RSPO3: variants seen among roughly 807,000 people sequenced by gnomAD.
RSPO3 encodes the protein R-spondin 3.
Under a neutral mutation model 36.5 loss-of-function variants are expected in RSPO3, and 17 were observed. The observed-to-expected ratio is 0.47, with a 90% CI of 0.32 to 0.70. The LOEUF is 0.70. Among genes scored for constraint, RSPO3 ranks in the 30% least tolerant of loss-of-function variants. RSPO3 has a pLI of 0.04. For synonymous variants in RSPO3, 108 were observed against 107.0 expected, an observed-to-expected ratio of 1.01 and a Z score of -0.06; for missense variants, 294 against 322.5, an observed-to-expected ratio of 0.91 and a Z score of 0.68.
intron 1 of RSPO3, among the ~76,000 whole-genome samples, chr6:127,131,272 G>A (rs538428119): frequency 6.6e-6 from 1 of 152,070 alleles, no homozygotes; most frequent in Non-Finnish European, 1.5e-5. Context: ...GAATAAGGGA[G>A]AGTTGCAGCA....
At chr6:127,139,068 G>T (rs374553592) in intron 1 of RSPO3, among the ~76,000 whole-genome samples, 2 of 151,846 alleles carry the variant, frequency 1.3e-5, no homozygotes, top group South Asian at 4.2e-4. Context: ...CTTCAATTCC[G>T]TTAGCAATTG....
At chr6:127,169,577 G>A (rs563633823) in intron 4 of RSPO3, among the ~76,000 whole-genome samples, 15 of 151,910 alleles carry the variant, frequency 9.9e-5, no homozygotes, top group African/African-American at 3.6e-4. Context: ...AAGTACCTTG[G>A]AGATGCATAC....
chr6:127,156,937 T>C (rs1774607278), intron 4 of RSPO3, among the ~76,000 whole-genome samples: 1 of 152,170 alleles, frequency 6.6e-6, no homozygotes, highest in African/African-American at 2.4e-5. Flanking sequence ...CTAAAAGCTA[T>C]AAAACCTGTT....
intron 4 of RSPO3, among the ~76,000 whole-genome samples, chr6:127,156,747 G>T (rs1478433343): frequency 1.3e-5 from 2 of 152,164 alleles, no homozygotes; most frequent in Admixed American, 6.6e-5. Flanking sequence ...GTGAAAGGTT[G>T]AGATGTTTAA....
rs979818644 is a variant in RSPO3 at position 127,155,492 on chromosome 6, T to A, written c.634+54T>A. 39 of 1,510,794 alleles carry A rather than the reference T, an allele frequency of 2.6e-5. No individual in the cohort carries two copies. In the African/African-American group the frequency reaches 4.3e-4, roughly 17 times the overall value. 93.6% of individuals were successfully genotyped at this position (1,510,794 alleles called of 1,614,324 possible). A position where few individuals can be genotyped will look rare whatever the true frequency, so the allele number is the denominator to read the frequency against. On this transcript the variant is annotated intron_variant, in intron 4 of 4. Transcript: ENST00000356698. ...TTTGAATCCTCATAATCTGTTGCAT[T>A]TTTCATTTTATTTCTTATGAAACAC...
intron 4 of RSPO3, among the ~76,000 whole-genome samples, chr6:127,181,227 T>C (rs1004720606): frequency 1.8e-4 from 27 of 151,896 alleles, no homozygotes; most frequent in East Asian, 1.2e-3. Context: ...GAAGAATTAA[T>C]AGAGAAGTAG....
At chr6:127,163,408 C>T (rs779066480) in intron 4 of RSPO3, among the ~76,000 whole-genome samples, 1 of 152,108 alleles carries the variant, frequency 6.6e-6, no homozygotes, top group Non-Finnish European at 1.5e-5. Context: ...AGAAGCATTA[C>T]AGACTAACTT....
intron 1 of RSPO3, among the ~76,000 whole-genome samples, chr6:127,138,677 C>A (rs1235371492): frequency 2.6e-5 from 4 of 152,094 alleles, no homozygotes; most frequent in Admixed American, 2.0e-4. Flanking sequence ...TCTGGTGTTA[C>A]AGATGAGGAA....
intron 1 of RSPO3, among the ~76,000 whole-genome samples, chr6:127,144,891 G>A (rs1462627981): frequency 6.6e-6 from 1 of 151,818 alleles, no homozygotes; most frequent in East Asian, 1.9e-4. Flanking sequence ...CAAAATGCTG[G>A]GATTAGAGGC....
At chr6:127,129,975 A>G (rs982609055) in intron 1 of RSPO3, among the ~76,000 whole-genome samples, 8 of 151,624 alleles carry the variant, frequency 5.3e-5, no homozygotes, top group Non-Finnish European at 1.0e-4. Flanking sequence ...AAATGGTAGT[A>G]CATTATATCA....
intron 4 of RSPO3, among the ~76,000 whole-genome samples, chr6:127,164,342 G>A (rs1183930204): frequency 2.0e-5 from 3 of 151,946 alleles, no homozygotes. Flanking sequence ...CACCAAACAA[G>A]AAACAAAACT....
At chr6:127,167,977 A>G (rs940948287) in intron 4 of RSPO3, among the ~76,000 whole-genome samples, 4 of 152,062 alleles carry the variant, frequency 2.6e-5, no homozygotes, top group Admixed American at 6.6e-5. Flanking sequence ...TCCATGGTGT[A>G]TATGTGCCAC....
In RSPO3 at chr6:127,138,568, A is replaced by G. The variant is rs577563257; in HGVS notation, c.98-10080A>G. Among the ~76,000 whole-genome samples, 24 of 152,286 alleles carry G rather than the reference A, an allele frequency of 1.6e-4. No homozygotes were observed. In the South Asian group the frequency reaches 3.5e-3, roughly 22 times the overall value. On this transcript the variant is annotated intron_variant, in intron 1 of 4. Transcript: ENST00000356698. ...GTTTAGTGCCTCTTGAGTTAAACAA[A>G]GTGTCTTATACCTATGATTTTGATG... is the stretch of plus-strand genomic sequence containing the variant.
intron 1 of RSPO3, among the ~76,000 whole-genome samples, chr6:127,142,348 G>A (rs1384541231): frequency 1.3e-5 from 2 of 152,020 alleles, no homozygotes; most frequent in South Asian, 4.1e-4. Context: ...TATTTTCTTG[G>A]GTTGACTGGG....
chr6:127,150,628 G>A (rs778090501), intron 3 of RSPO3, 56 bp downstream of exon 3: 38 of 1,518,662 alleles, frequency 2.5e-5, no homozygotes, highest in Non-Finnish European at 3.0e-5. Flanking sequence ...CCATGGAGGT[G>A]CTTTTCAAAG....
At position 127,197,409 on chromosome 6, in the gene RSPO3, T is replaced by C; in HGVS notation, c.*1402T>C. On this transcript the variant is annotated 3_prime_UTR_variant, in exon 5 of 5. Transcript: ENST00000356698. ...AGTCTTTTCTTCTCCATATTTTCTATCTGTGGATCTCTTTAGGGGATTGAA... is the reference window on the plus strand; with the variant it reads ...AGTCTTTTCTTCTCCATATTTTCTACCTGTGGATCTCTTTAGGGGATTGAA... 6.5e-7 allele frequency: 1 copy of C among 1,550,126 alleles called. No homozygotes were observed. The highest frequency in any genetic ancestry group is 1.2e-5 in the South Asian group (1 of 84,030).
chr6:127,163,504 T>A (rs1389829550), intron 4 of RSPO3, among the ~76,000 whole-genome samples: 7 of 152,124 alleles, frequency 4.6e-5, no homozygotes, highest in Non-Finnish European at 8.8e-5. Flanking sequence ...ATTATTAGCA[T>A]GACAAAATGT....
chr6:127,173,625 T>C (rs988905079), intron 4 of RSPO3, among the ~76,000 whole-genome samples: 1 of 151,892 alleles, frequency 6.6e-6, no homozygotes, highest in Non-Finnish European at 1.5e-5. Flanking sequence ...GTGTGAATCA[T>C]TGGACATGCC....
chr6:127,133,550 C>T (rs543417623), intron 1 of RSPO3, among the ~76,000 whole-genome samples: 1 of 152,220 alleles, frequency 6.6e-6, no homozygotes, highest in East Asian at 1.9e-4. Context: ...AAAGTCCACT[C>T]CTCCAACAGT....
Sources: allele counts gnomAD v4.1 joint callset (sites outside exome capture counted in the v4.1 genomes callset), GRCh38; gene constraint gnomAD v4.1.1; transcripts MANE v1.5; gene names NCBI Gene and HGNC (gene_info 2026-07-23, HGNC 2026-07-21).